SPIN1: variants seen among roughly 807,000 people sequenced by gnomAD.
The protein encoded by SPIN1 is spindlin 1.
In SPIN1, 3 loss-of-function variants were observed where a neutral mutation model predicts 26.0. The ratio of observed to expected loss-of-function variants is 0.12; its 90% confidence interval spans 0.05 to 0.30. The LOEUF (loss-of-function observed/expected upper bound fraction) is 0.30, where lower values mean the gene tolerates loss of function less well. Ranked by LOEUF, SPIN1 falls within the 10% of genes least tolerant of loss-of-function variation. The pLI is 1.00. For synonymous variants in SPIN1, 101 were observed against 116.5 expected, an observed-to-expected ratio of 0.87 and a Z score of 0.86; for missense variants, 126 against 333.4, an observed-to-expected ratio of 0.38 and a Z score of 4.84.
chr9:88,394,209 G>T (rs943186736), intron 1 of SPIN1, among the ~76,000 whole-genome samples: 2 of 152,202 alleles, frequency 1.3e-5, no homozygotes, highest in Non-Finnish European at 2.9e-5. Flanking sequence ...ACTTGGACAT[G>T]TTGAGGTCCT....
intron 1 of SPIN1, among the ~76,000 whole-genome samples, chr9:88,405,814 A>C (rs1827289546): frequency 6.6e-6 from 1 of 151,684 alleles, no homozygotes; most frequent in African/African-American, 2.4e-5. Context: ...ACTAGACAAT[A>C]GGAATTTTTT....
intron 2 of SPIN1, among the ~76,000 whole-genome samples, chr9:88,436,500 A>G (rs1354463666): frequency 6.6e-6 from 1 of 152,028 alleles, no homozygotes; most frequent in Non-Finnish European, 1.5e-5. Context: ...CTTCTTTGAC[A>G]TGTCATTATC....
intron 5 of SPIN1, among the ~76,000 whole-genome samples, chr9:88,468,845 A>G (rs1040420072): frequency 1.3e-5 from 2 of 152,200 alleles, no homozygotes; most frequent in Non-Finnish European, 2.9e-5. Context: ...TTTTATAATT[A>G]TTAACACTAC....
Position 88,391,175 on chromosome 9 carries a change from A to C in SPIN1, c.-159+2637A>C, listed in dbSNP as rs1404774410. ...AGCTGAAGTATGTTGAAGTTACTCA[A>C]ATACATTCAAGCTACATAGATCTCT... On this transcript the variant is annotated intron_variant, in intron 1 of 5. Transcript: ENST00000375859. Among the ~76,000 whole-genome samples the C allele has an allele frequency of 2.6e-5, 4 of 152,170 alleles. 1 individual carries two copies.
At chr9:88,403,129 T>G (rs759061803) in intron 1 of SPIN1, among the ~76,000 whole-genome samples, 7 of 152,036 alleles carry the variant, frequency 4.6e-5, no homozygotes, top group Admixed American at 2.0e-4. Context: ...TTAGTGGGAT[T>G]ATTATTATTA....
chr9:88,438,478 T>G (rs1828053778), intron 2 of SPIN1, among the ~76,000 whole-genome samples: 1 of 152,200 alleles, frequency 6.6e-6, no homozygotes, highest in African/African-American at 2.4e-5. Context: ...GTCGTCTGTT[T>G]TGGTGTATTT....
chr9:88,436,774 T>C (rs1168871665), intron 2 of SPIN1, among the ~76,000 whole-genome samples: 1 of 101,572 alleles, frequency 9.8e-6, no homozygotes, highest in African/African-American at 6.9e-5. Context: ...TTTTTTTTTT[T>C]TTTTTTTTGA....
intron 1 of SPIN1, among the ~76,000 whole-genome samples, chr9:88,412,095 C>T (rs1236350079): frequency 6.6e-5 from 10 of 151,980 alleles, no homozygotes; most frequent in African/African-American, 1.9e-4. Context: ...AGGAGAATGG[C>T]GTGAACCCAG....
At chr9:88,425,157 G>C (rs779167593) in intron 1 of SPIN1, among the ~76,000 whole-genome samples, 3 of 152,044 alleles carry the variant, frequency 2.0e-5, no homozygotes, top group Non-Finnish European at 4.4e-5. Flanking sequence ...TGGGCAGGCT[G>C]GGGGAAGAGA....
chr9:88,427,375 C>T (rs1015667349), intron 2 of SPIN1, among the ~76,000 whole-genome samples: 5 of 151,906 alleles, frequency 3.3e-5, no homozygotes, highest in Admixed American at 1.3e-4. Flanking sequence ...TTCTAAGTAC[C>T]CTTTATCTTT....
chr9:88,404,592 T>C (rs1447029388), intron 1 of SPIN1, among the ~76,000 whole-genome samples: 1 of 152,168 alleles, frequency 6.6e-6, no homozygotes, highest in Non-Finnish European at 1.5e-5. Context: ...TTATTACTTT[T>C]GTTTTTACTT....
intron 3 of SPIN1, among the ~76,000 whole-genome samples, chr9:88,458,700 C>T (rs1381867657): frequency 6.6e-5 from 10 of 151,932 alleles, no homozygotes; most frequent in South Asian, 2.1e-4. Context: ...AGGAGGGAAG[C>T]GGGGAAGATT....
At chr9:88,441,162 A>G (rs574067963) in intron 2 of SPIN1, among the ~76,000 whole-genome samples, 3 of 151,940 alleles carry the variant, frequency 2.0e-5, no homozygotes, top group Admixed American at 6.5e-5. Flanking sequence ...CATTATAACA[A>G]TGATTTACAT....
At chr9:88,442,645 A>G (rs1828160425) in intron 2 of SPIN1, among the ~76,000 whole-genome samples, 1 of 151,170 alleles carries the variant, frequency 6.6e-6, no homozygotes, top group African/African-American at 2.4e-5. Context: ...TCGGCCTCCC[A>G]AAGTGCTGGG....
In SPIN1 at chr9:88,468,633, G is replaced by A. The variant is rs1006502869; in HGVS notation, c.589+28G>A. 3 of 1,346,606 alleles carry A rather than the reference G, an allele frequency of 2.2e-6. No individual in the cohort carries two copies. The African/African-American group carries it at 4.5e-5, about 20-fold the overall frequency. The allele number at this position is 1,346,606 out of a possible 1,614,324, so 83.4% of individuals were successfully genotyped here. On this transcript the variant is annotated intron_variant, in intron 5 of 5. Coordinates refer to ENST00000375859, the MANE Select transcript of SPIN1 (RefSeq NM_006717.3). ...AAGTATATATTGGCAACTTTTATATGTGATAATTAGAAGGGATTTGGACTT... is the reference window on the plus strand; with the variant it reads ...AAGTATATATTGGCAACTTTTATATATGATAATTAGAAGGGATTTGGACTT...
intron 1 of SPIN1, among the ~76,000 whole-genome samples, chr9:88,394,198 A>C (rs138645653): frequency 5.9e-5 from 9 of 152,286 alleles, no homozygotes; most frequent in African/African-American, 2.2e-4. Context: ...AGCTTTTCAC[A>C]ACTTGGACAT....
At chr9:88,418,918 C>T (rs1366448730) in intron 1 of SPIN1, 1 of 152,130 alleles carries the variant, frequency 6.6e-6, no homozygotes, top group Non-Finnish European at 1.5e-5. Flanking sequence ...GTGCATGACA[C>T]ATAGCGAGTG....
Position 88,458,964 on chromosome 9 carries a change from C to T in SPIN1, c.102-3532C>T, listed in dbSNP as rs151282603. ...CAGCTAAAAAATGCTTTCACAGAGA[C>T]ATCTAGAGTGGTGTTTGACCACATA... is the stretch of plus-strand genomic sequence containing the variant. On this transcript the variant is annotated intron_variant, in intron 3 of 5. Coordinates refer to ENST00000375859, the MANE Select transcript of SPIN1 (RefSeq NM_006717.3). Among the ~76,000 whole-genome samples, 298 of 152,302 alleles carry T rather than the reference C, an allele frequency of 2.0e-3. 1 individual carries two copies. Among genetic ancestry groups the T allele is most frequent in the African/African-American group, 7.0e-3 (289 of 41,548 alleles).
intron 1 of SPIN1, chr9:88,410,712 A>G (rs1241664031): frequency 1.5e-5 from 21 of 1,427,910 alleles, no homozygotes; most frequent in Non-Finnish European, 4.9e-6. Context: ...TGCCAAAATC[A>G]TTGTAGCTTC....
Sources: allele counts gnomAD v4.1 joint callset (sites outside exome capture counted in the v4.1 genomes callset), GRCh38; gene constraint gnomAD v4.1.1; transcripts MANE v1.5; gene names NCBI Gene and HGNC (gene_info 2026-07-23, HGNC 2026-07-21).